Variants in USP9X observed in about 807,000 individuals in gnomAD.
The protein encoded by USP9X is ubiquitin specific peptidase 9 X-linked.
Under a neutral mutation model 190.3 loss-of-function variants are expected in USP9X, and 7 were observed. The ratio of observed to expected loss-of-function variants is 0.04; its 90% CI spans 0.02 to 0.07. The LOEUF (loss-of-function observed/expected upper bound fraction) is 0.07. Among genes scored for constraint, USP9X ranks in the 10% least tolerant of loss-of-function variants. USP9X has a pLI of 1.00. For missense variants in USP9X, 1,010 were observed against 1,916.9 expected, an observed-to-expected ratio of 0.53 and a Z score of 8.83; for synonymous variants, 645 against 659.5, an observed-to-expected ratio of 0.98 and a Z score of 0.34.
intron 2 of USP9X, among the ~76,000 whole-genome samples, chrX:41,125,678 A>ACTCTCTCTCTCTCTCT: frequency 3.0e-5 from 1 of 33,883 alleles, no homozygotes; most frequent in Admixed American, 5.1e-4. Context: ...ACACACACAC[A>ACTCTCTCTCTCTCTCT]CACACACTCT....
intron 31 of USP9X, among the ~76,000 whole-genome samples, chrX:41,202,855 A>G (rs1431016579): frequency 2.7e-5 from 3 of 111,947 alleles, no homozygotes; most frequent in Admixed American, 1.9e-4. Context: ...CACAATTTCA[A>G]ATAAGGTGTA....
At position 41,116,292 on chromosome X, in the gene USP9X, C is replaced by T. The variant is rs376354244; in HGVS notation, c.-158-7179C>T. Among the ~76,000 whole-genome samples the T allele has an allele frequency of 3.0e-4, 34 of 112,366 alleles. No homozygotes were observed. In the South Asian group the frequency reaches 9.5e-3, roughly 31 times the overall value. On this transcript the variant is annotated intron_variant, in intron 1 of 44. Transcript: ENST00000378308. ...CTGTGATTCATTGTATTTGAGCATG[C>T]CTATGGAAAGTGATTGTTACTGTGT...
chrX:41,099,164 G>A (rs1197717784), intron 1 of USP9X, among the ~76,000 whole-genome samples: 2 of 84,490 alleles, frequency 2.4e-5, no homozygotes, highest in African/African-American at 4.8e-5. Flanking sequence ...GGCTGGTCTC[G>A]AGCTCCTGGG....
intron 1 of USP9X, among the ~76,000 whole-genome samples, chrX:41,099,096 G>GTTTTTTTTTTTTTTTTTTTTTTTT (rs34179321): frequency 2.3e-5 from 1 of 44,266 alleles, no homozygotes; most frequent in Admixed American, 3.8e-4. Context: ...CCAGATAATT[G>GTTTTTTTTTTTTTTTTTTTTTTTT]TTTTTTTTTT....
At chrX:41,214,457 T>C in intron 33 of USP9X, 111 bp from the exon 34 acceptor site, 1 of 766,518 alleles carries the variant, frequency 1.3e-6, no homozygotes, top group Non-Finnish European at 1.8e-6. Flanking sequence ...ACATGTACCC[T>C]AGAACTTAAA....
At chrX:41,109,776 G>GGC (rs1459308968) in intron 1 of USP9X, among the ~76,000 whole-genome samples, 1 of 110,779 alleles carries the variant, frequency 9.0e-6, no homozygotes, top group East Asian at 2.8e-4. Context: ...GGGATGGGGG[G>GGC]GGCAGGAAAC....
In USP9X at chrX:41,131,518, A is replaced by G. The variant is rs371103694; in HGVS notation, c.304A>G (p.Ile102Val). The G allele has an allele frequency of 3.1e-5, 37 of 1,205,304 alleles. No individual in the cohort carries two copies. The African/African-American group carries it at 5.4e-4, about 18-fold the overall frequency. ...ATTAGAAGTGCTTTTAGAAGCTGCT[A>G]TTGATCTTAGTAAAAAGGGTAAGTT... ...GELEVLLEAA[I>V]DLSKKGLDVK... Residue 102 changes from isoleucine to valine, a missense_variant, in exon 4 of 45, where the codon ATT becomes GTT. By Grantham distance (29) the Ile-to-Val change is conservative. This residue lies in a region of USP9X where 176 missense variants were observed against 247.5 expected (regional missense o/e 0.71). Coordinates refer to ENST00000378308, the MANE Select transcript of USP9X (RefSeq NM_001039591.3).
chrX:41,226,853 C>G, intron 41 of USP9X, among the ~76,000 whole-genome samples: 1 of 111,637 alleles, frequency 9.0e-6, no homozygotes, highest in Non-Finnish European at 1.9e-5. Flanking sequence ...CAGTGGCTTA[C>G]CCCTGTAATA....
At chrX:41,215,171 G>A (rs980423676) in intron 34 of USP9X, among the ~76,000 whole-genome samples, 1 of 112,670 alleles carries the variant, frequency 8.9e-6, no homozygotes, top group East Asian at 2.8e-4. Flanking sequence ...TAGTCAAGTG[G>A]CCCATAAGAT....
At chrX:41,230,734 A>T in intron 44 of USP9X, 138 bp downstream of exon 44, 1 of 514,793 alleles carries the variant, frequency 1.9e-6, no homozygotes, top group Non-Finnish European at 3.1e-6. Context: ...CATGATCCAG[A>T]AGAGGGATGG....
chrX:41,085,659 T>TG lies in USP9X; in HGVS notation c.-606dup. On this transcript the variant is annotated 5_prime_UTR_variant, in exon 1 of 45. Coordinates refer to ENST00000378308, the MANE Select transcript of USP9X (RefSeq NM_001039591.3). ...GGCGGCCGCCTTAGCGCCCGGTGCT[T>TG]GGGTCGGCGCCGGGAGCGAGGAGCG... The TG allele has an allele frequency of 3.5e-6, 1 of 288,989 alleles. No homozygotes were observed. The highest frequency in any genetic ancestry group is 6.1e-6 in the Non-Finnish European group (1 of 164,960). 23.8% of individuals were successfully genotyped at this position (288,989 alleles called of 1,213,427 possible). A position where few individuals can be genotyped will look rare whatever the true frequency, so the allele number is the denominator to read the frequency against.
intron 1 of USP9X, among the ~76,000 whole-genome samples, chrX:41,099,366 C>T (rs2062019526): frequency 9.0e-6 from 1 of 110,677 alleles, no homozygotes; most frequent in African/African-American, 3.3e-5. Context: ...TTATAGGATA[C>T]ATATGTGTTT....
chrX:41,209,101 G>C (rs2063134988), intron 32 of USP9X, among the ~76,000 whole-genome samples: 1 of 111,558 alleles, frequency 9.0e-6, no homozygotes, highest in Non-Finnish European at 1.9e-5. Context: ...ATCAGAATAA[G>C]GCAATTTTCC....
Position 41,122,621 on chromosome X carries a change from C to T in USP9X, c.-158-850C>T, listed in dbSNP as rs774895577. Among the ~76,000 whole-genome samples, 7 of 112,037 alleles carry T rather than the reference C, an allele frequency of 6.2e-5. No homozygotes were observed. In the South Asian group the frequency reaches 2.2e-3, roughly 36 times the overall value. On this transcript the variant is annotated intron_variant, in intron 1 of 44. Transcript: ENST00000378308. ...TAGGAGTGTTACAATGCTCCTTTAGCCCTGCTGTCCCAGCATAAGTGTTAA... is the reference window on the plus strand; with the variant it reads ...TAGGAGTGTTACAATGCTCCTTTAGTCCTGCTGTCCCAGCATAAGTGTTAA...
rs2063397528 is a variant in USP9X at position 41,236,174 on chromosome X, A to C, written c.*3650A>C. The C allele has an allele frequency of 9.0e-6, 1 of 111,621 alleles. No individual in the cohort carries two copies. The highest frequency in any genetic ancestry group is 9.6e-5 in the Admixed American group (1 of 10,401). The allele number at this position is 111,621 out of a possible 1,213,427, so 9.2% of individuals were successfully genotyped here. ...CAGTTTTTGTGTTACCAAGAAAAAA[A>C]AAACAGTATTGGTTTCATAGTAGGA... On this transcript the variant is annotated 3_prime_UTR_variant, in exon 45 of 45. Transcript: ENST00000378308.
At chrX:41,208,083 G>C (rs1417086867) in intron 32 of USP9X, among the ~76,000 whole-genome samples, 1 of 108,067 alleles carries the variant, frequency 9.3e-6, no homozygotes, top group East Asian at 2.9e-4. Context: ...GCCCAGGCTA[G>C]AGTGCAGTGG....
rs2063391966 is a variant in USP9X, at chrX:41,235,277, C to T, written c.*2753C>T. 1 of 112,508 alleles carries T rather than the reference C, an allele frequency of 8.9e-6. No individual in the cohort carries two copies. The highest frequency in any genetic ancestry group is 1.9e-5 in the Non-Finnish European group (1 of 53,275). The allele number at this position is 112,508 out of a possible 1,213,427, so 9.3% of individuals were successfully genotyped here. ...TTTAACTCAAGCATTAATGTATAACCAGAAATTTAAAGATGCATGTTGTTG... is the reference window on the plus strand; with the variant it reads ...TTTAACTCAAGCATTAATGTATAACTAGAAATTTAAAGATGCATGTTGTTG... On this transcript the variant is annotated 3_prime_UTR_variant, in exon 45 of 45. Transcript: ENST00000378308.
chrX:41,158,621 A>G (rs2062600232), intron 14 of USP9X, among the ~76,000 whole-genome samples: 1 of 111,632 alleles, frequency 9.0e-6, no homozygotes, highest in Non-Finnish European at 1.9e-5. Flanking sequence ...GACATCAGAC[A>G]GAGTGTTCCG....
In USP9X at chrX:41,224,763, C is replaced by T. The variant is rs998322746; in HGVS notation, c.6773C>T (p.Pro2258Leu). Residue 2258 changes from proline to leucine, a missense_variant, in exon 40 of 45, where the codon CCT becomes CTT. Pro to Leu is a moderately conservative substitution (Grantham distance 98). Transcript: ENST00000378308. ...SINGNPPLPNPFGDPNLSQPI... is the reference protein window; with the variant it reads ...SINGNPPLPNLFGDPNLSQPI... ...CTAGGTAATCCTCCTCTTCCCAATC[C>T]TTTTGGTGATCCTAATTTATCACAA... 8.3e-7 allele frequency: 1 copy of T among 1,210,616 alleles called. No individual in the cohort carries two copies. The highest frequency in any genetic ancestry group is 1.1e-6 in the Non-Finnish European group (1 of 894,485).
Sources: gnomAD v4.1 joint callset for allele counts (sites outside exome capture counted in the v4.1 genomes callset) on GRCh38, gnomAD v4.1.1 for gene constraint, gnomAD v4.1.1 regional missense constraint, MANE v1.5 for transcripts, NCBI Gene and HGNC (gene_info 2026-07-23, HGNC 2026-07-21) for gene names.